Variants in TCERG1L observed in about 807,000 individuals in gnomAD.
The protein encoded by TCERG1L is transcription elongation regulator 1-like protein.
Under a neutral mutation model 56.3 loss-of-function variants are expected in TCERG1L, and 37 were observed. The observed-to-expected ratio is 0.66, with a 90% CI of 0.51 to 0.87. TCERG1L has a LOEUF of 0.87. Ranked by LOEUF, TCERG1L falls within the 40% of genes least tolerant of loss-of-function variation. The pLI, the probability that TCERG1L is intolerant of heterozygous loss-of-function variation, is 0.00. For synonymous variants in TCERG1L, 324 were observed against 326.3 expected (o/e 0.99, Z 0.08); for missense variants, 799 against 774.2 (o/e 1.03, Z -0.38).
rs376144808 is a variant in TCERG1L at position 131,093,137 on chromosome 10, G to A, written c.*25C>T. The A allele has an allele frequency of 9.3e-5, 149 of 1,608,856 alleles. No homozygotes were observed. Among genetic ancestry groups the A allele is most frequent in the Middle Eastern group, 1.8e-4 (1 of 5,714 alleles). ...CCCGGCACGCCCAGGGTCAACCCCC[G>A]GGCTTATTGCATTTTTTCACAAACT... On this transcript the variant is annotated 3_prime_UTR_variant, in exon 12 of 12. Coordinates refer to ENST00000368642, the MANE Select transcript of TCERG1L (RefSeq NM_174937.4).
chr10:131,124,598 C>T (rs537304178), intron 8 of TCERG1L, among the ~76,000 whole-genome samples: 28 of 152,280 alleles, frequency 1.8e-4, no homozygotes, highest in African/African-American at 5.3e-4. Flanking sequence ...CATGCAGGAG[C>T]GGAGAGCAAG....
chr10:131,249,009 C>T (rs1006847439), intron 4 of TCERG1L, among the ~76,000 whole-genome samples: 5 of 152,210 alleles, frequency 3.3e-5, no homozygotes, highest in African/African-American at 9.6e-5. Context: ...TGCACAGAGG[C>T]GATGCCTCTG....
chr10:131,132,074 G>A (rs958576423), intron 8 of TCERG1L, among the ~76,000 whole-genome samples: 10 of 152,328 alleles, frequency 6.6e-5, no homozygotes, highest in Middle Eastern at 3.4e-3. Flanking sequence ...AGCAGGAGGC[G>A]TGCAGGTTGG....
chr10:131,131,903 T>C (rs1845622709), intron 8 of TCERG1L, among the ~76,000 whole-genome samples: 1 of 152,232 alleles, frequency 6.6e-6, no homozygotes, highest in African/African-American at 2.4e-5. Context: ...CCTGGAGGCA[T>C]GTTCTCTAAC....
chr10:131,167,253 C>T lies in TCERG1L; in HGVS notation c.857-368G>A, dbSNP rs75624476. On this transcript the variant is annotated intron_variant, in intron 4 of 11. Transcript: ENST00000368642. ...GAAACAAGCCCAAAAGTGGGAGGCC[C>T]GAGACTTGGCTGTTGTCCATCTGGT... 9.9e-3 allele frequency among the ~76,000 whole-genome samples: 1,502 copies of T among 152,310 alleles called. 23 individuals are homozygous for T. Among genetic ancestry groups the T allele is most frequent in the African/African-American group, 0.034 (1,414 of 41,574 alleles).
chr10:131,274,917 C>A (rs1846377044), intron 3 of TCERG1L, among the ~76,000 whole-genome samples: 3 of 152,218 alleles, frequency 2.0e-5, no homozygotes. Flanking sequence ...TGGAGTCAGG[C>A]AGGCTCGAGA....
At chr10:131,265,813 C>T (rs374128091) in intron 3 of TCERG1L, among the ~76,000 whole-genome samples, 3 of 152,204 alleles carry the variant, frequency 2.0e-5, no homozygotes, top group Non-Finnish European at 2.9e-5. Flanking sequence ...GGTCTTGCCT[C>T]GATGTTGATG....
chr10:131,166,642 C>G (rs982746082), intron 5 of TCERG1L, among the ~76,000 whole-genome samples, 155 bp downstream of exon 5: 2 of 152,206 alleles, frequency 1.3e-5, no homozygotes, highest in African/African-American at 4.8e-5. Flanking sequence ...TAGGCCCCGC[C>G]TGGCCCCTTC....
intron 3 of TCERG1L, among the ~76,000 whole-genome samples, chr10:131,276,402 TG>T (rs1846393875): frequency 6.6e-6 from 1 of 152,262 alleles, no homozygotes; most frequent in Admixed American, 6.5e-5. Context: ...AAAAGTTTTG[TG>T]AAGAGGTTCT....
intron 4 of TCERG1L, among the ~76,000 whole-genome samples, chr10:131,249,223 T>C (rs1389613938): frequency 1.3e-5 from 2 of 152,254 alleles, no homozygotes; most frequent in Non-Finnish European, 2.9e-5. Flanking sequence ...CAGTCCATTG[T>C]CTTAAGCAGA....
intron 4 of TCERG1L, among the ~76,000 whole-genome samples, chr10:131,239,025 T>C (rs993752127): frequency 1.3e-5 from 2 of 152,002 alleles, no homozygotes; most frequent in Non-Finnish European, 2.9e-5. Context: ...AAGCCCCAAG[T>C]AGCACGTGTG....
chr10:131,232,403 G>C (rs1052711704), intron 4 of TCERG1L, among the ~76,000 whole-genome samples: 1 of 152,206 alleles, frequency 6.6e-6, no homozygotes, highest in Non-Finnish European at 1.5e-5. Flanking sequence ...CTTTTGTTTT[G>C]CAGGAGCGTT....
rs575727009 is a variant in TCERG1L at position 131,112,924 on chromosome 10, T to C, written c.1395+3875A>G. ...CGGTTGAGGGTCGCCCTTGGGGTGT[T>C]CAATCCCTAGCGTTTAGAGGTGGGA... is the stretch of plus-strand genomic sequence containing the variant. On this transcript the variant is annotated intron_variant, in intron 9 of 11. Transcript: ENST00000368642. Among the ~76,000 whole-genome samples, 22 of 142,146 alleles carry C rather than the reference T, an allele frequency of 1.5e-4. 4 individuals carry two copies. Among genetic ancestry groups the C allele is most frequent in the Non-Finnish European group, 2.9e-4 (18 of 63,112 alleles). The allele number at this position is 142,146 out of a possible 152,430, so 93.3% of individuals were successfully genotyped here. A position where few individuals can be genotyped will look rare whatever the true frequency, so the allele number is the denominator to read the frequency against.
At chr10:131,172,193 T>G (rs956019194) in intron 4 of TCERG1L, among the ~76,000 whole-genome samples, 3 of 151,838 alleles carry the variant, frequency 2.0e-5, no homozygotes, top group African/African-American at 7.3e-5. Context: ...ACCATGAGGC[T>G]GTAAGAACAT....
intron 8 of TCERG1L, among the ~76,000 whole-genome samples, chr10:131,126,136 G>A (rs1589722209): frequency 6.6e-6 from 1 of 152,286 alleles, no homozygotes; most frequent in African/African-American, 2.4e-5. Context: ...CACCTCTTCC[G>A]GGAATCACAA....
intron 4 of TCERG1L, among the ~76,000 whole-genome samples, chr10:131,230,564 C>T (rs572183444): frequency 6.6e-6 from 1 of 152,338 alleles, no homozygotes; most frequent in African/African-American, 2.4e-5. Context: ...CTGGCGGGCC[C>T]AGATTACAGG....
chr10:131,240,982 T>G (rs1845965501), intron 4 of TCERG1L, among the ~76,000 whole-genome samples: 1 of 152,180 alleles, frequency 6.6e-6, no homozygotes, highest in African/African-American at 2.4e-5. Context: ...CTCCCAGGCC[T>G]CCTCCTTCAC....
intron 4 of TCERG1L, among the ~76,000 whole-genome samples, chr10:131,237,473 G>C (rs1175022638): frequency 6.6e-6 from 1 of 152,240 alleles, no homozygotes; most frequent in East Asian, 1.9e-4. Flanking sequence ...GTAGGCATGA[G>C]TGTTTACTGA....
At chr10:131,172,205 C>A (rs988322494) in intron 4 of TCERG1L, among the ~76,000 whole-genome samples, 5 of 152,102 alleles carry the variant, frequency 3.3e-5, no homozygotes, top group Admixed American at 2.0e-4. Flanking sequence ...TAAGAACATG[C>A]GTCTTCTGGT....
Sources: gnomAD v4.1 joint callset for allele counts (sites outside exome capture counted in the v4.1 genomes callset) on GRCh38, gnomAD v4.1.1 for gene constraint, MANE v1.5 for transcripts, NCBI Gene and HGNC (gene_info 2026-07-23, HGNC 2026-07-21) for gene names.